Variants in ASCC3 observed in about 807,000 individuals in gnomAD.
ASCC3 encodes the protein activating signal cointegrator 1 complex subunit 3.
A neutral mutation model predicts 256.3 loss-of-function variants in ASCC3; 158 were observed. That is an observed-to-expected ratio of 0.62 (90% CI 0.54 to 0.70). The LOEUF is 0.70. Ranked by LOEUF, ASCC3 falls within the 30% of genes least tolerant of loss-of-function variation. The pLI is 0.00. For synonymous variants in ASCC3, 948 were observed against 883.4 expected, an observed-to-expected ratio of 1.07 and a Z score of -1.30; for missense variants, 2,259 against 2,626.0, an observed-to-expected ratio of 0.86 and a Z score of 3.05.
intron 36 of ASCC3, among the ~76,000 whole-genome samples, chr6:100,553,960 A>G (rs1769434535): frequency 6.6e-6 from 1 of 152,154 alleles, no homozygotes; most frequent in South Asian, 2.1e-4. Flanking sequence ...CTTATGTCAC[A>G]TAACTCACTT....
At chr6:100,591,616 C>T (rs1772003234) in intron 34 of ASCC3, among the ~76,000 whole-genome samples, 1 of 151,918 alleles carries the variant, frequency 6.6e-6, no homozygotes, top group African/African-American at 2.4e-5. Context: ...AAGAATCAAA[C>T]TATTCTTTTT....
chr6:100,583,746 C>T (rs540987025), intron 36 of ASCC3, among the ~76,000 whole-genome samples: 67 of 152,282 alleles, frequency 4.4e-4, no homozygotes, highest in Admixed American at 4.1e-3. Context: ...TTTCCCTCTA[C>T]ACACTGCTTT....
intron 10 of ASCC3, among the ~76,000 whole-genome samples, chr6:100,765,275 T>C (rs1781599209): frequency 6.6e-6 from 1 of 152,126 alleles, no homozygotes; most frequent in Non-Finnish European, 1.5e-5. Flanking sequence ...ACCCCTCCTC[T>C]TACAAAGGCA....
At chr6:100,597,905 T>C (rs1172558698) in intron 34 of ASCC3, among the ~76,000 whole-genome samples, 8 of 128,048 alleles carry the variant, frequency 6.2e-5, no homozygotes, top group Non-Finnish European at 1.3e-4. Context: ...ACTCAGGAGG[T>C]GGAGCTTGCA....
In ASCC3 at chr6:100,867,871, T is replaced by C. The variant is rs767319068; in HGVS notation, c.90+37A>G. The C allele has an allele frequency of 2.7e-6, 4 of 1,488,642 alleles. No individual in the cohort carries two copies. The Middle Eastern group carries it at 6.9e-4, about 256-fold the overall frequency. The allele number at this position is 1,488,642 out of a possible 1,614,324, so 92.2% of individuals were successfully genotyped here. A position where few individuals can be genotyped will look rare whatever the true frequency, so the allele number is the denominator to read the frequency against. ...AATAGTTGTCCATAGTCTGTGTTTA[T>C]AATAATGTTCAACATTTCTACCTTT... is the stretch of plus-strand genomic sequence containing the variant. On this transcript the variant is annotated intron_variant, in intron 2 of 41. Transcript: ENST00000369162.
intron 1 of ASCC3, among the ~76,000 whole-genome samples, chr6:100,871,182 A>T (rs1014037227): frequency 6.7e-6 from 1 of 150,142 alleles, no homozygotes; most frequent in Non-Finnish European, 1.5e-5. Context: ...TGCAACCTCC[A>T]CCTCCCAGAT....
At chr6:100,628,482 C>G (rs1774365243) in intron 27 of ASCC3, among the ~76,000 whole-genome samples, 1 of 152,128 alleles carries the variant, frequency 6.6e-6, no homozygotes, top group Admixed American at 6.6e-5. Context: ...GGGGCTGTTT[C>G]TCCTAAATGG....
Position 100,606,815 on chromosome 6 carries a change from C to A in ASCC3, c.4969G>T (p.Ala1657Ser), listed in dbSNP as rs1457839047. ...GTTCCCTTAATAATTACTAAATGAG[C>A]TGGAAAGTTTACACCCCAGGCTAAT... ...STLAWGVNFPAHLVIIKGTEY... is the reference protein window; with the variant it reads ...STLAWGVNFPSHLVIIKGTEY... The change falls in exon 32 of 42, where the codon GCT (alanine) becomes TCT (serine). Residue 1657 changes from alanine to serine, a missense_variant. Physicochemically the swap from Ala to Ser is moderately conservative, Grantham distance 99 (BLOSUM62 1). This residue lies in a region of ASCC3 where 1,839 missense variants were observed against 2,206.7 expected (regional missense o/e 0.83). Transcript: ENST00000369162. The A allele has an allele frequency of 2.5e-6, 4 of 1,612,020 alleles. No individual in the cohort carries two copies. Among genetic ancestry groups the A allele is most frequent in the Non-Finnish European group, 3.4e-6 (4 of 1,179,140 alleles).
chr6:100,535,466 G>GTTTTTTTT (rs34575315), intron 37 of ASCC3, among the ~76,000 whole-genome samples: 4 of 98,658 alleles, frequency 4.1e-5, no homozygotes, highest in Non-Finnish European at 5.8e-5. Flanking sequence ...TGGTTTTCGT[G>GTTTTTTTT]TTTTTTTTTT....
At chr6:100,537,173 C>T (rs566609446) in intron 37 of ASCC3, among the ~76,000 whole-genome samples, 9 of 152,238 alleles carry the variant, frequency 5.9e-5, no homozygotes, top group Middle Eastern at 6.8e-3. Context: ...GCAGACATCA[C>T]CTCAATTGTA....
intron 8 of ASCC3, among the ~76,000 whole-genome samples, chr6:100,776,790 C>A (rs1782212885): frequency 5.3e-5 from 8 of 151,344 alleles, no homozygotes. Context: ...TAGGATGAAC[C>A]CAAGAACATG....
chr6:100,677,943 T>C (rs1777109450), intron 14 of ASCC3, among the ~76,000 whole-genome samples: 1 of 152,102 alleles, frequency 6.6e-6, no homozygotes. Context: ...TGACATTGCC[T>C]TAAATAAACA....
Position 100,791,875 on chromosome 6 carries a change from C to CT in ASCC3, c.1395+6837dup, listed in dbSNP as rs568591299. Among the ~76,000 whole-genome samples, 133 of 151,834 alleles carry CT rather than the reference C, an allele frequency of 8.8e-4. 2 individuals carry two copies. The highest frequency in any genetic ancestry group is 4.4e-3 in the South Asian group (21 of 4,824). ...AATTTAGTCCTCATTTCTTACTGGACTTTTTTTGCACAGTGACCCTGGAAT... is the reference window on the plus strand; with the variant it reads ...AATTTAGTCCTCATTTCTTACTGGACTTTTTTTTGCACAGTGACCCTGGAAT... On this transcript the variant is annotated intron_variant, in intron 8 of 41. Coordinates refer to ENST00000369162, the MANE Select transcript of ASCC3 (RefSeq NM_006828.4).
chr6:100,750,580 A>G (rs914275247), intron 10 of ASCC3, among the ~76,000 whole-genome samples: 1 of 152,012 alleles, frequency 6.6e-6, no homozygotes, highest in African/African-American at 2.4e-5. Context: ...TTACCCCAGC[A>G]TCCTTAAAAA....
intron 5 of ASCC3, among the ~76,000 whole-genome samples, chr6:100,804,154 T>C (rs1473983038): frequency 6.6e-6 from 1 of 152,128 alleles, no homozygotes; most frequent in African/African-American, 2.4e-5. Flanking sequence ...TGTATTGTGC[T>C]TAGACATGTG....
intron 11 of ASCC3, 66 bp downstream of exon 11, chr6:100,725,473 G>A (rs939547886): frequency 1.3e-6 from 2 of 1,514,322 alleles, no homozygotes; most frequent in Non-Finnish European, 1.8e-6. Context: ...CAGTGAAAAT[G>A]CTACATTTTA....
intron 5 of ASCC3, 49 bp downstream of exon 5, chr6:100,805,711 C>G: frequency 1.3e-6 from 2 of 1,591,336 alleles, no homozygotes; most frequent in Non-Finnish European, 1.7e-6. Context: ...CATTTGCTAA[C>G]CAATGAATAT....
chr6:100,781,487 G>A (rs997293826), intron 8 of ASCC3, among the ~76,000 whole-genome samples: 4 of 151,634 alleles, frequency 2.6e-5, no homozygotes, highest in East Asian at 1.9e-4. Flanking sequence ...GGGTTCAAGC[G>A]ATTCTCCTGC....
intron 40 of ASCC3, 152 bp downstream of exon 40, chr6:100,512,557 A>G (rs1189025158): frequency 4.9e-6 from 4 of 814,610 alleles, no homozygotes; most frequent in Non-Finnish European, 8.3e-6. Flanking sequence ...AGAACTCACG[A>G]ATTTCAAAAG....
Sources: allele counts gnomAD v4.1 joint callset (sites outside exome capture counted in the v4.1 genomes callset), GRCh38; gene constraint gnomAD v4.1.1; regional missense constraint gnomAD v4.1.1; transcripts MANE v1.5; gene names NCBI Gene and HGNC (gene_info 2026-07-23, HGNC 2026-07-21).